Variants in PTPRN2 observed in about 807,000 individuals in gnomAD.
PTPRN2 encodes protein tyrosine phosphatase receptor type N2.
Under a neutral mutation model 118.8 loss-of-function variants are expected in PTPRN2, and 74 were observed. The ratio of observed to expected loss-of-function variants is 0.62; its 90% CI spans 0.52 to 0.76. The LOEUF is 0.76. Among genes scored for constraint, PTPRN2 ranks in the 30% least tolerant of loss-of-function variants. The probability of loss-of-function intolerance (pLI) is 0.00; values close to 1 mark genes in which losing one functional copy is unlikely to be tolerated. For missense variants in PTPRN2, 1,481 were observed against 1,394.4 expected (o/e 1.06, Z -0.99); for synonymous variants, 641 against 608.0 (o/e 1.05, Z -0.80).
At chr7:157,767,513 C>A (rs1802555724) in intron 12 of PTPRN2, among the ~76,000 whole-genome samples, 1 of 152,194 alleles carries the variant, frequency 6.6e-6, no homozygotes, top group South Asian at 2.1e-4. Context: ...AGTAAGAATG[C>A]TCACGAATAC....
chr7:157,574,613 C>G (rs970256496), intron 19 of PTPRN2, among the ~76,000 whole-genome samples: 2 of 152,234 alleles, frequency 1.3e-5, no homozygotes, highest in African/African-American at 4.8e-5. Flanking sequence ...TGCGCTCCCT[C>G]TGGGCTCCAG....
chr7:158,482,559 T>C (rs1187374224), intron 2 of PTPRN2, among the ~76,000 whole-genome samples: 1 of 152,210 alleles, frequency 6.6e-6, no homozygotes, highest in African/African-American at 2.4e-5. Flanking sequence ...GTACATTGTT[T>C]TTTAGACATA....
intron 2 of PTPRN2, among the ~76,000 whole-genome samples, chr7:158,331,025 AC>A (rs1804291901): frequency 7.3e-6 from 1 of 136,546 alleles, no homozygotes; most frequent in African/African-American, 2.8e-5. Flanking sequence ...TCACATCCAC[AC>A]TCTCACCATA....
chr7:157,884,473 C>T (rs1334581036), intron 12 of PTPRN2, among the ~76,000 whole-genome samples: 1 of 152,236 alleles, frequency 6.6e-6, no homozygotes, highest in Non-Finnish European at 1.5e-5. Flanking sequence ...ACTGAGGGTG[C>T]ATGACAGGCC....
intron 2 of PTPRN2, among the ~76,000 whole-genome samples, chr7:158,318,047 G>A (rs1243263599): frequency 3.9e-5 from 6 of 152,110 alleles, no homozygotes; most frequent in Non-Finnish European, 8.8e-5. Context: ...GTTTCCCTCC[G>A]TGCAGCCCGG....
At chr7:157,976,370 G>A (rs1303539034) in intron 11 of PTPRN2, among the ~76,000 whole-genome samples, 1 of 152,156 alleles carries the variant, frequency 6.6e-6, no homozygotes, top group Non-Finnish European at 1.5e-5. Flanking sequence ...CCTAGCACCG[G>A]CTGGCACTCT....
intron 3 of PTPRN2, among the ~76,000 whole-genome samples, chr7:158,300,550 G>GCCCACAGCGCCTCGCCCGCCACCCAGT (rs1408520343): frequency 6.8e-3 from 16 of 2,370 alleles, no homozygotes; most frequent in South Asian, 0.011. Context: ...CAATCTGCAC[G>GCCCACAGCGCCTCGCCCGCCACCCAGT]CCCACAGCGC....
In PTPRN2 at chr7:158,441,379, G is replaced by A. The variant is rs540222097; in HGVS notation, c.163+48356C>T. Among the ~76,000 whole-genome samples, 35 of 148,142 alleles carry A rather than the reference G, an allele frequency of 2.4e-4. 1 individual carries two copies. The highest frequency in any genetic ancestry group is 6.5e-4 in the African/African-American group (26 of 39,924). ...GATGGTGATGGCAGTGGTGGCAGTG[G>A]TGGTGGTGGTGATAATGATGGTCAT... On this transcript the variant is annotated intron_variant, in intron 2 of 22. Transcript: ENST00000389418.
chr7:157,947,063 T>TA (rs894982641), intron 11 of PTPRN2, among the ~76,000 whole-genome samples: 17 of 152,228 alleles, frequency 1.1e-4, no homozygotes, highest in African/African-American at 3.9e-4. Context: ...GGCAGGTGCT[T>TA]AAGGCTGGAG....
chr7:157,614,044 T>C (rs1802584420), intron 15 of PTPRN2: 1 of 471,248 alleles, frequency 2.1e-6, no homozygotes. Flanking sequence ...TTGGAAAGCA[T>C]CGTTCTGCAG....
At chr7:157,551,556 C>T (rs1404293681) in intron 21 of PTPRN2, among the ~76,000 whole-genome samples, 1 of 139,944 alleles carries the variant, frequency 7.1e-6, no homozygotes, top group East Asian at 2.2e-4. Flanking sequence ...CCACCACACA[C>T]CCCACGCACC....
At chr7:158,199,263 T>TA (rs1826445756) in intron 4 of PTPRN2, among the ~76,000 whole-genome samples, 1 of 152,194 alleles carries the variant, frequency 6.6e-6, no homozygotes, top group Admixed American at 6.5e-5. Context: ...CTCTTAGCCT[T>TA]TAGCATGTTC....
At position 157,701,762 on chromosome 7, in the gene PTPRN2, G is replaced by C. The variant is rs72505542; in HGVS notation, c.1789-18825C>G. On this transcript the variant is annotated intron_variant, in intron 12 of 22. Transcript: ENST00000389418. Reference sequence around the variant, plus strand: ...ATAAGAGAGCCGGGTCAATGCTGGTGTAACTGACACGGGCTGTGGGTTTGT... The same window carrying C: ...ATAAGAGAGCCGGGTCAATGCTGGTCTAACTGACACGGGCTGTGGGTTTGT... Among the ~76,000 whole-genome samples, 751 of 152,258 alleles carry C rather than the reference G, an allele frequency of 4.9e-3. 13 individuals carry two copies. Among genetic ancestry groups the C allele is most frequent in the East Asian group, 0.042 (215 of 5,158 alleles).
At chr7:158,481,049 T>C (rs1415305216) in intron 2 of PTPRN2, among the ~76,000 whole-genome samples, 1 of 152,254 alleles carries the variant, frequency 6.6e-6, no homozygotes, top group Admixed American at 6.5e-5. Context: ...GAAGATGCCA[T>C]CTAGGACTTC....
intron 11 of PTPRN2, among the ~76,000 whole-genome samples, chr7:158,076,476 C>G (rs985040685): frequency 2.6e-5 from 4 of 152,248 alleles, no homozygotes; most frequent in Non-Finnish European, 4.4e-5. Flanking sequence ...ACCCCTCCCC[C>G]TCCCCCGGGG....
At position 158,025,135 on chromosome 7, in the gene PTPRN2, G is replaced by A. The variant is rs561171770; in HGVS notation, c.1723+56163C>T. On this transcript the variant is annotated intron_variant, in intron 11 of 22. Transcript: ENST00000389418. ...CTATTCTAAGAAGGACTTGACCTTT[G>A]AGTCTGAAAAACACCCTGCACTTTA... 1.7e-3 allele frequency among the ~76,000 whole-genome samples: 265 copies of A among 152,248 alleles called. 3 individuals carry two copies. Among genetic ancestry groups the A allele is most frequent in the African/African-American group, 6.2e-3 (256 of 41,542 alleles).
intron 2 of PTPRN2, among the ~76,000 whole-genome samples, chr7:158,325,365 C>CTT (rs55975155): frequency 2.5e-4 from 38 of 150,202 alleles, no homozygotes; most frequent in Admixed American, 4.0e-4. Context: ...ACTTATATGT[C>CTT]TTTTTTTTTT....
Position 157,787,595 on chromosome 7 carries a change from AGAG to A in PTPRN2, c.1789-104661_1789-104659del, listed in dbSNP as rs1055392472. 2.3e-4 allele frequency among the ~76,000 whole-genome samples: 35 copies of A among 152,140 alleles called. No homozygotes were observed. The highest frequency in any genetic ancestry group is 8.4e-4 in the African/African-American group (35 of 41,508). The stretch of plus-strand genomic sequence containing the variant: ...TAGGCGACCCCACAGAGAGAGAGGC[AGAG>A]GAGAGTGGCCGTGACCTGGAGGACA... On this transcript the variant is annotated intron_variant, in intron 12 of 22. Coordinates refer to ENST00000389418, the MANE Select transcript of PTPRN2 (RefSeq NM_002847.5). This position sits in a 1 kb window ranked among gnomAD's most constrained non-coding sequence, Gnocchi z 5.3.
chr7:157,739,603 C>T (rs561810665), intron 12 of PTPRN2, among the ~76,000 whole-genome samples: 3 of 152,358 alleles, frequency 2.0e-5, no homozygotes, highest in South Asian at 2.1e-4. Context: ...TCAGCTGCCC[C>T]GAGGTCAACT....
Sources: gnomAD v4.1 joint callset for allele counts (sites outside exome capture counted in the v4.1 genomes callset) on GRCh38, gnomAD v4.1.1 for gene constraint, Gnocchi (gnomAD v3.1) non-coding constraint, MANE v1.5 for transcripts, NCBI Gene and HGNC (gene_info 2026-07-23, HGNC 2026-07-21) for gene names.